Variants in EFCAB13 observed in about 807,000 individuals in gnomAD.
EFCAB13 encodes the protein EF-hand calcium-binding domain-containing protein 13.
EFCAB13 carries 91 observed loss-of-function variants against 110.2 expected under a neutral mutation model. The ratio of observed to expected loss-of-function variants is 0.83; its 90% CI spans 0.70 to 0.98. EFCAB13 has a LOEUF of 0.98. Among genes scored for constraint, EFCAB13 ranks in the 50% least tolerant of loss-of-function variants. The pLI, the probability that EFCAB13 is intolerant of heterozygous loss-of-function variation, is 0.00. For missense variants in EFCAB13, 968 were observed against 1,119.4 expected, an observed-to-expected ratio of 0.86 and a Z score of 1.93; for synonymous variants, 323 against 369.9, an observed-to-expected ratio of 0.87 and a Z score of 1.45.
intron 10 of EFCAB13, 22 bp from the exon 11 acceptor site, chr17:47,370,415 A>G (rs750682459): frequency 1.2e-5 from 17 of 1,448,376 alleles, no homozygotes; most frequent in Non-Finnish European, 1.5e-5. Flanking sequence ...TAAATACAGT[A>G]TTTGAACTTA....
At chr17:47,390,386 A>G (rs986292282) in intron 14 of EFCAB13, among the ~76,000 whole-genome samples, 16 of 151,884 alleles carry the variant, frequency 1.1e-4, no homozygotes, top group African/African-American at 3.4e-4. Context: ...TTTTTCTTCA[A>G]GTGATTTAAG....
chr17:47,427,069 T>C (rs1904986637), intron 23 of EFCAB13, among the ~76,000 whole-genome samples: 1 of 152,144 alleles, frequency 6.6e-6, no homozygotes, highest in Admixed American at 6.5e-5. Context: ...GCCTATATCA[T>C]ATGATAGTTG....
intron 20 of EFCAB13, among the ~76,000 whole-genome samples, chr17:47,406,597 T>C (rs1042320169): frequency 6.6e-6 from 1 of 152,236 alleles, no homozygotes; most frequent in African/African-American, 2.4e-5. Flanking sequence ...GTTGCAGGGA[T>C]ACGCTAGGTA....
chr17:47,440,104 G>T (rs573810559), intron 24 of EFCAB13, among the ~76,000 whole-genome samples: 1 of 152,092 alleles, frequency 6.6e-6, no homozygotes, highest in African/African-American at 2.4e-5. Flanking sequence ...TTATGCATGG[G>T]AATAATCAAT....
intron 23 of EFCAB13, among the ~76,000 whole-genome samples, chr17:47,425,161 C>T (rs1318166180): frequency 6.6e-6 from 1 of 151,914 alleles, no homozygotes; most frequent in Non-Finnish European, 1.5e-5. Flanking sequence ...GGATTACAGG[C>T]GTGAGCCACC....
intron 23 of EFCAB13, among the ~76,000 whole-genome samples, chr17:47,415,726 C>T (rs1444874278): frequency 1.3e-5 from 2 of 152,152 alleles, no homozygotes; most frequent in Non-Finnish European, 2.9e-5. Context: ...GACTGCCCAT[C>T]TATTTCAGTT....
intron 16 of EFCAB13, among the ~76,000 whole-genome samples, chr17:47,395,082 C>T (rs2065729700): frequency 6.6e-6 from 1 of 152,022 alleles, no homozygotes; most frequent in African/African-American, 2.4e-5. Flanking sequence ...ACTTTTCTTC[C>T]TTATTTAGTT....
chr17:47,371,532 TGTTGGGTGTAAACCAACAGTTGATCA>T (rs2065584806), intron 11 of EFCAB13, among the ~76,000 whole-genome samples: 1 of 152,204 alleles, frequency 6.6e-6, no homozygotes, highest in Non-Finnish European at 1.5e-5. Flanking sequence ...TTTGTTGCTT[TGTTGGGTGTAAACCAACAGTTGATCA>T]GTTGGGTGTA....
chr17:47,401,384 G>A (rs531030767), intron 17 of EFCAB13, among the ~76,000 whole-genome samples: 1 of 152,280 alleles, frequency 6.6e-6, no homozygotes, highest in East Asian at 1.9e-4. Flanking sequence ...CTTTAACTTT[G>A]TAATCTAGTA....
intron 9 of EFCAB13, among the ~76,000 whole-genome samples, chr17:47,351,996 G>T (rs2143291075): frequency 6.6e-6 from 1 of 151,184 alleles, no homozygotes; most frequent in Admixed American, 6.6e-5. Context: ...CTGCCTCCTG[G>T]GTTCACACCA....
chr17:47,358,206 G>A (rs1227562786), intron 9 of EFCAB13, among the ~76,000 whole-genome samples: 1 of 152,014 alleles, frequency 6.6e-6, no homozygotes, highest in Non-Finnish European at 1.5e-5. Flanking sequence ...TTTATGTTTT[G>A]TCAAGGCAAA....
intron 9 of EFCAB13, 26 bp from the exon 10 acceptor site, chr17:47,361,352 A>G (rs772715017): frequency 6.2e-7 from 1 of 1,605,914 alleles, no homozygotes; most frequent in Non-Finnish European, 8.5e-7. Context: ...GTTGATTCTC[A>G]TGGTATAATA....
rs1598750166 is a variant in EFCAB13, at chr17:47,398,180, C to T, written c.1945+2203C>T. Reference sequence around the variant, plus strand: ...TGAGGGGCGCCTCTGCCCAGCCGCCCCTACTGGGAAGTGAGGAGCCCCTCT... The same window carrying T: ...TGAGGGGCGCCTCTGCCCAGCCGCCTCTACTGGGAAGTGAGGAGCCCCTCT... On this transcript the variant is annotated intron_variant, in intron 17 of 24. Transcript: ENST00000331493. Among the ~76,000 whole-genome samples, 10 of 145,026 alleles carry T rather than the reference C, an allele frequency of 6.9e-5. 1 individual carries two copies. The South Asian group carries it at 2.3e-3, about 33-fold the overall frequency.
At chr17:47,389,774 G>A (rs912492030) in intron 14 of EFCAB13, among the ~76,000 whole-genome samples, 1 of 151,944 alleles carries the variant, frequency 6.6e-6, no homozygotes, top group African/African-American at 2.4e-5. Context: ...AAATGTTTCT[G>A]TTATTCTACC....
At chr17:47,357,083 G>A (rs1191190121) in intron 9 of EFCAB13, among the ~76,000 whole-genome samples, 3 of 152,192 alleles carry the variant, frequency 2.0e-5, no homozygotes, top group African/African-American at 4.8e-5. Flanking sequence ...CTCCCACTGC[G>A]CTTCACCTGT....
At chr17:47,408,411 G>A (rs1308850459) in intron 20 of EFCAB13, among the ~76,000 whole-genome samples, 1 of 152,152 alleles carries the variant, frequency 6.6e-6, no homozygotes, top group Non-Finnish European at 1.5e-5. Flanking sequence ...AGCACTTTGG[G>A]AGGCCAAGGC....
intron 23 of EFCAB13, among the ~76,000 whole-genome samples, chr17:47,425,249 A>C (rs528235567): frequency 5.9e-5 from 9 of 152,194 alleles, no homozygotes; most frequent in Non-Finnish European, 1.2e-4. Context: ...ATGTAAATAT[A>C]TTTGATGAGA....
intron 24 of EFCAB13, among the ~76,000 whole-genome samples, chr17:47,433,367 T>A (rs1190444304): frequency 6.6e-6 from 1 of 152,200 alleles, no homozygotes; most frequent in Non-Finnish European, 1.5e-5. Flanking sequence ...GTAAAGTTAC[T>A]GTTTTTCCTT....
intron 23 of EFCAB13, among the ~76,000 whole-genome samples, chr17:47,419,150 C>T (rs567950131): frequency 6.6e-6 from 1 of 152,180 alleles, no homozygotes; most frequent in African/African-American, 2.4e-5. Flanking sequence ...AGTAACCAAG[C>T]CTGTCAGGAT....
Sources: gnomAD v4.1 joint callset for allele counts (sites outside exome capture counted in the v4.1 genomes callset) on GRCh38, gnomAD v4.1.1 for gene constraint, MANE v1.5 for transcripts, NCBI Gene and HGNC (gene_info 2026-07-23, HGNC 2026-07-21) for gene names.